The following ARL5A variants were observed in gnomAD, a reference collection of about 807,000 sequenced individuals.
The protein encoded by ARL5A is ADP-ribosylation factor-like protein 5A.
Under a neutral mutation model 25.9 loss-of-function variants are expected in ARL5A, and 18 were observed. That is an observed-to-expected ratio of 0.69 (90% CI 0.48 to 1.03). ARL5A has a LOEUF of 1.03. Ranked by LOEUF, ARL5A falls within the 50% of genes least tolerant of loss-of-function variation. ARL5A has a pLI of 0.00. For missense variants in ARL5A, 170 were observed against 211.9 expected, an observed-to-expected ratio of 0.80 and a Z score of 1.23; for synonymous variants, 61 against 67.5, an observed-to-expected ratio of 0.90 and a Z score of 0.47.
chr2:151,808,868 C>A (rs544456996), intron 4 of ARL5A, among the ~76,000 whole-genome samples: 1 of 152,124 alleles, frequency 6.6e-6, no homozygotes, highest in Admixed American at 6.5e-5. Flanking sequence ...GCCAACAGGG[C>A]GAAACCCCGT....
At chr2:151,803,462 T>C (rs934622706) in intron 5 of ARL5A, 138 bp from the exon 6 acceptor site, 1 of 678,666 alleles carries the variant, frequency 1.5e-6, no homozygotes, top group African/African-American at 1.8e-5. Flanking sequence ...TATTCAGTGC[T>C]TGGGCTGCTG....
At chr2:151,817,500 C>T (rs1026746910) in intron 1 of ARL5A, among the ~76,000 whole-genome samples, 2 of 152,112 alleles carry the variant, frequency 1.3e-5, no homozygotes, top group Admixed American at 1.3e-4. Context: ...CATATAATTG[C>T]CACTTACCAG....
At position 151,800,580 on chromosome 2, in the gene ARL5A, C is replaced by T. The variant is rs1334138876; in HGVS notation, c.*2696G>A. The T allele has an allele frequency of 6.6e-6, 1 of 152,194 alleles. No homozygotes were observed. Among genetic ancestry groups the T allele is most frequent in the East Asian group, 1.9e-4 (1 of 5,202 alleles). The allele number at this position is 152,194 out of a possible 1,614,324, so 9.4% of individuals were successfully genotyped here. A position where few individuals can be genotyped will look rare whatever the true frequency, so the allele number is the denominator to read the frequency against. On this transcript the variant is annotated 3_prime_UTR_variant, in exon 6 of 6. Coordinates refer to ENST00000295087, the MANE Select transcript of ARL5A (RefSeq NM_012097.4). Reference sequence around the variant, plus strand: ...TCCCCTATCCACTTCCCCACTATAACCCCTATACAACCTGCCTTCGTTGTA... The same window carrying T: ...TCCCCTATCCACTTCCCCACTATAATCCCTATACAACCTGCCTTCGTTGTA...
chr2:151,815,296 A>G (rs1327181965), intron 1 of ARL5A, 97 bp from the exon 2 acceptor site: 2 of 987,460 alleles, frequency 2.0e-6, no homozygotes, highest in Non-Finnish European at 1.5e-6. Flanking sequence ...CCTTCTATCT[A>G]TGGCATAATT....
At chr2:151,826,944 G>A (rs1369580784) in intron 1 of ARL5A, among the ~76,000 whole-genome samples, 1 of 152,186 alleles carries the variant, frequency 6.6e-6, no homozygotes, top group Admixed American at 6.5e-5. Context: ...GTGTGTGTGT[G>A]TGCGTAAAAG....
At chr2:151,815,279 A>T in intron 1 of ARL5A, 80 bp from the exon 2 acceptor site, 1 of 1,126,116 alleles carries the variant, frequency 8.9e-7, no homozygotes, top group Non-Finnish European at 1.3e-6. Flanking sequence ...TATACTCTGT[A>T]TCTCACCCTT....
chr2:151,811,021 A>T (rs1275907134), intron 4 of ARL5A, among the ~76,000 whole-genome samples: 1 of 152,196 alleles, frequency 6.6e-6, no homozygotes, highest in Non-Finnish European at 1.5e-5. Flanking sequence ...ACTAGCAATG[A>T]ATCTGGCGAA....
intron 4 of ARL5A, 29 bp from the exon 5 acceptor site, chr2:151,807,001 CA>C (rs1229615548): frequency 1.3e-6 from 2 of 1,550,250 alleles, no homozygotes; most frequent in Non-Finnish European, 8.7e-7. Flanking sequence ...CTGTAAAGGC[CA>C]ATACATTTTC....
chr2:151,806,358 C>T (rs2099830107), intron 5 of ARL5A, among the ~76,000 whole-genome samples: 1 of 152,154 alleles, frequency 6.6e-6, no homozygotes, highest in Admixed American at 6.6e-5. Flanking sequence ...TAGTCTCAGA[C>T]ATGAATTCTC....
chr2:151,812,293 A>G, intron 4 of ARL5A, 64 bp downstream of exon 4: 1 of 1,199,722 alleles, frequency 8.3e-7, no homozygotes. Flanking sequence ...ATGAGAAACT[A>G]GAAAACAAAG....
intron 5 of ARL5A, among the ~76,000 whole-genome samples, chr2:151,804,900 G>T (rs189377986): frequency 1.3e-5 from 2 of 152,182 alleles, no homozygotes; most frequent in Non-Finnish European, 2.9e-5. Context: ...AACTATAAAA[G>T]AAAAACAGAA....
chr2:151,815,595 T>C (rs1489511959), intron 1 of ARL5A, among the ~76,000 whole-genome samples: 3 of 152,222 alleles, frequency 2.0e-5, no homozygotes, highest in African/African-American at 7.2e-5. Flanking sequence ...AGGCATCAAC[T>C]GGGTGCATGT....
chr2:151,826,260 T>C (rs753898321), intron 1 of ARL5A, among the ~76,000 whole-genome samples: 1 of 152,252 alleles, frequency 6.6e-6, no homozygotes, highest in African/African-American at 2.4e-5. Context: ...TTTCACAATA[T>C]TCATATCTAA....
chr2:151,816,382 C>A (rs2151295155), intron 1 of ARL5A, among the ~76,000 whole-genome samples: 1 of 152,292 alleles, frequency 6.6e-6, no homozygotes, highest in Non-Finnish European at 1.5e-5. Flanking sequence ...TATCTGACTG[C>A]AACCAAAGGA....
rs1375376887 is a variant in ARL5A, at chr2:151,820,575, A to C, written c.47-5376T>G. Among the ~76,000 whole-genome samples the C allele has an allele frequency of 3.0e-5, 4 of 134,008 alleles. No homozygotes were observed. In the Admixed American group the frequency reaches 3.6e-4, roughly 12 times the overall value. 87.9% of individuals were successfully genotyped at this position (134,008 alleles called of 152,430 possible). A position where few individuals can be genotyped will look rare whatever the true frequency, so the allele number is the denominator to read the frequency against. ...CTTGGGAGGCTGAGGCATGAGAATC[A>C]GTTGAACCTGGGAGTCAGAGGTTGC... is the stretch of plus-strand genomic sequence containing the variant. On this transcript the variant is annotated intron_variant, in intron 1 of 5. Coordinates refer to ENST00000295087, the MANE Select transcript of ARL5A (RefSeq NM_012097.4).
In ARL5A at chr2:151,799,931, G is replaced by A. The variant is rs1188962164; in HGVS notation, c.*3345C>T. ...CAAAGGATACCTGAGCTATGGGGAAGCTGACCTTGAAAGCAATGAGGTCCA... is the reference window on the plus strand; with the variant it reads ...CAAAGGATACCTGAGCTATGGGGAAACTGACCTTGAAAGCAATGAGGTCCA... On this transcript the variant is annotated 3_prime_UTR_variant, in exon 6 of 6. Transcript: ENST00000295087. 1 of 152,222 alleles carries A rather than the reference G, an allele frequency of 6.6e-6. No homozygotes were observed. Among genetic ancestry groups the A allele is most frequent in the African/African-American group, 2.4e-5 (1 of 41,452 alleles). The allele number at this position is 152,222 out of a possible 1,614,324, so 9.4% of individuals were successfully genotyped here.
At chr2:151,811,028 C>T (rs761139386) in intron 4 of ARL5A, among the ~76,000 whole-genome samples, 4 of 151,916 alleles carry the variant, frequency 2.6e-5, no homozygotes, top group Admixed American at 6.6e-5. Context: ...ATGAATCTGG[C>T]GAATGAACAC....
rs1305479642 is a variant in ARL5A, at chr2:151,799,459, A to G, written c.*3817T>C. 1 of 152,208 alleles carries G rather than the reference A, an allele frequency of 6.6e-6. No individual in the cohort carries two copies. 9.4% of individuals were successfully genotyped at this position (152,208 alleles called of 1,614,324 possible). On this transcript the variant is annotated 3_prime_UTR_variant, in exon 6 of 6. Transcript: ENST00000295087. ...TTTTTCCAAATCAAACTGAACTGGT[A>G]TTCTGTGAAACATAACCATTCTTGG...
At chr2:151,811,503 TTA>T (rs1277543789) in intron 4 of ARL5A, among the ~76,000 whole-genome samples, 3 of 152,192 alleles carry the variant, frequency 2.0e-5, no homozygotes, top group East Asian at 1.9e-4. Flanking sequence ...TTTTTTAAAT[TTA>T]TGTTACCGTA....
Sources: gnomAD v4.1 joint callset for allele counts (sites outside exome capture counted in the v4.1 genomes callset) on GRCh38, gnomAD v4.1.1 for gene constraint, MANE v1.5 for transcripts, NCBI Gene and HGNC (gene_info 2026-07-23, HGNC 2026-07-21) for gene names.